Variants in PLD5 observed in about 807,000 individuals in gnomAD.
The protein encoded by PLD5 is inactive phospholipase D5.
Under a neutral mutation model 61.1 loss-of-function variants are expected in PLD5, and 36 were observed. The ratio of observed to expected loss-of-function variants is 0.59; its 90% CI spans 0.45 to 0.78. The LOEUF (loss-of-function observed/expected upper bound fraction) is 0.78. PLD5 is among the 30% of genes least tolerant of loss of function. The probability of loss-of-function intolerance (pLI) is 0.00; values close to 1 mark genes in which losing one functional copy is unlikely to be tolerated. For synonymous variants in PLD5, 243 were observed against 242.8 expected (o/e 1.00, Z -0.01); for missense variants, 515 against 644.4 (o/e 0.80, Z 2.17).
Position 242,181,967 on chromosome 1 carries a change from A to T in PLD5, c.735+38021T>A, listed in dbSNP as rs570573983. ...TCAGTGGTCCTTCACTGTAGAAAAGATAAACCTCAAACTTTTAAATTTAGC... is the reference window on the plus strand; with the variant it reads ...TCAGTGGTCCTTCACTGTAGAAAAGTTAAACCTCAAACTTTTAAATTTAGC... On this transcript the variant is annotated intron_variant, in intron 5 of 9. Transcript: ENST00000536534. Among the ~76,000 whole-genome samples the T allele has an allele frequency of 2.0e-5, 3 of 152,314 alleles. No individual in the cohort carries two copies. In the South Asian group the frequency reaches 6.2e-4, roughly 32 times the overall value.
intron 1 of PLD5, among the ~76,000 whole-genome samples, chr1:242,446,234 TAATAAAATAATAAAAATAA>T (rs1251858840): frequency 1.3e-5 from 2 of 150,628 alleles, no homozygotes; most frequent in Non-Finnish European, 3.0e-5. Context: ...CAATACAAAT[TAATAAAATAATAAAAATAA>T]AATAAAATAA....
chr1:242,167,728 C>T (rs1272174861), intron 5 of PLD5, among the ~76,000 whole-genome samples: 1 of 152,206 alleles, frequency 6.6e-6, no homozygotes, highest in Non-Finnish European at 1.5e-5. Flanking sequence ...GGTACAGAAA[C>T]TTATCCAAAA....
intron 1 of PLD5, among the ~76,000 whole-genome samples, chr1:242,447,888 A>C (rs954445127): frequency 1.3e-5 from 2 of 152,224 alleles, no homozygotes; most frequent in African/African-American, 4.8e-5. Flanking sequence ...GGGACTCTGC[A>C]TTTCAGCCCG....
chr1:242,390,027 AT>A, intron 1 of PLD5, among the ~76,000 whole-genome samples: 1 of 147,290 alleles, frequency 6.8e-6, no homozygotes, highest in Non-Finnish European at 1.5e-5. Context: ...AATAATTATT[AT>A]TATTATTATT....
chr1:242,338,251 C>T (rs1558477499), intron 2 of PLD5, among the ~76,000 whole-genome samples: 1 of 152,100 alleles, frequency 6.6e-6, no homozygotes, highest in Non-Finnish European at 1.5e-5. Flanking sequence ...CTTTATTTTT[C>T]TTCCCACTCC....
intron 1 of PLD5, among the ~76,000 whole-genome samples, chr1:242,413,834 T>C (rs1452239217): frequency 2.0e-5 from 3 of 152,276 alleles, no homozygotes; most frequent in Admixed American, 1.3e-4. Flanking sequence ...ATAAGTGGTA[T>C]AGGATTGCTA....
chr1:242,401,761 T>C (rs1572073574), intron 1 of PLD5, among the ~76,000 whole-genome samples: 1 of 152,336 alleles, frequency 6.6e-6, no homozygotes, highest in Middle Eastern at 3.4e-3. Context: ...CTGCACTCTC[T>C]GCCCCTGGTC....
chr1:242,270,486 C>T (rs1422540245), intron 3 of PLD5, among the ~76,000 whole-genome samples: 2 of 152,130 alleles, frequency 1.3e-5, no homozygotes, highest in Non-Finnish European at 2.9e-5. Flanking sequence ...CACAGTTCTC[C>T]CTGAATGATC....
chr1:242,225,750 G>A (rs997916740), intron 4 of PLD5, among the ~76,000 whole-genome samples: 5 of 152,262 alleles, frequency 3.3e-5, no homozygotes, highest in African/African-American at 1.2e-4. Flanking sequence ...TGTATGGAAG[G>A]CACCACAGTT....
chr1:242,406,405 A>G (rs768212404), intron 1 of PLD5, among the ~76,000 whole-genome samples: 2 of 152,236 alleles, frequency 1.3e-5, no homozygotes, highest in Non-Finnish European at 2.9e-5. Flanking sequence ...ATGTCTACCA[A>G]TATAACTATG....
intron 3 of PLD5, among the ~76,000 whole-genome samples, chr1:242,268,979 A>G (rs1673883875): frequency 6.6e-6 from 1 of 152,100 alleles, no homozygotes; most frequent in South Asian, 2.1e-4. Context: ...TGTAGCTGGC[A>G]CTACAGGCAC....
chr1:242,120,031 A>T (rs1410368520), intron 6 of PLD5, among the ~76,000 whole-genome samples: 1 of 152,218 alleles, frequency 6.6e-6, no homozygotes, highest in East Asian at 1.9e-4. Flanking sequence ...TACAATATGG[A>T]TAAACCTTGA....
intron 5 of PLD5, among the ~76,000 whole-genome samples, chr1:242,174,234 T>C (rs1421794317): frequency 2.6e-5 from 4 of 151,842 alleles, no homozygotes; most frequent in Non-Finnish European, 4.4e-5. Context: ...AAAAAGTGGG[T>C]GAAGGATATG....
intron 1 of PLD5, among the ~76,000 whole-genome samples, chr1:242,465,186 T>C (rs1361617061): frequency 1.3e-5 from 2 of 152,184 alleles, no homozygotes; most frequent in African/African-American, 2.4e-5. Context: ...CTTCCTTGAC[T>C]CCTTTCTTTC....
At chr1:242,349,208 A>C (rs1194429012) in intron 1 of PLD5, among the ~76,000 whole-genome samples, 9 of 152,198 alleles carry the variant, frequency 5.9e-5, no homozygotes, top group Admixed American at 5.9e-4. Context: ...TTATTATCAA[A>C]AGCAAGGAAT....
At chr1:242,202,193 A>G (rs142058548) in intron 5 of PLD5, among the ~76,000 whole-genome samples, 51 of 152,200 alleles carry the variant, frequency 3.4e-4, no homozygotes, top group Non-Finnish European at 5.6e-4. Flanking sequence ...AGCCTGGGTG[A>G]CAGAGTAAGA....
intron 1 of PLD5, among the ~76,000 whole-genome samples, chr1:242,503,365 A>G (rs776040274): frequency 6.6e-6 from 1 of 152,100 alleles, no homozygotes; most frequent in Non-Finnish European, 1.5e-5. Flanking sequence ...TTTGCCTTCC[A>G]CCATGAGTAA....
At chr1:242,152,601 T>C (rs1665017618) in intron 5 of PLD5, among the ~76,000 whole-genome samples, 1 of 151,680 alleles carries the variant, frequency 6.6e-6, no homozygotes, top group Admixed American at 6.6e-5. Flanking sequence ...TGAGAACATG[T>C]GATGTTTGGT....
intron 8 of PLD5, among the ~76,000 whole-genome samples, chr1:242,102,323 A>G (rs1436361150): frequency 6.6e-6 from 1 of 152,264 alleles, no homozygotes; most frequent in East Asian, 1.9e-4. Flanking sequence ...CATTTGCTCT[A>G]GAAAGTCAAA....
Sources: allele counts gnomAD v4.1 joint callset (sites outside exome capture counted in the v4.1 genomes callset), GRCh38; gene constraint gnomAD v4.1.1; transcripts MANE v1.5; gene names NCBI Gene and HGNC (gene_info 2026-07-23, HGNC 2026-07-21).